The following PIP5K1B variants were observed in gnomAD, a reference collection of about 807,000 sequenced individuals.
PIP5K1B encodes the protein phosphatidylinositol-4-phosphate 5-kinase type 1 beta.
Under a neutral mutation model 67.0 loss-of-function variants are expected in PIP5K1B, and 42 were observed. The observed-to-expected ratio is 0.63, with a 90% CI of 0.49 to 0.81. The LOEUF (loss-of-function observed/expected upper bound fraction) is 0.81. PIP5K1B is among the 30% of genes least tolerant of loss of function. PIP5K1B has a pLI of 0.00. For missense variants in PIP5K1B, 459 were observed against 646.3 expected, an observed-to-expected ratio of 0.71 and a Z score of 3.14; for synonymous variants, 214 against 231.4, an observed-to-expected ratio of 0.92 and a Z score of 0.68.
chr9:68,950,927 G>A (rs1444321595), intron 14 of PIP5K1B, among the ~76,000 whole-genome samples: 2 of 152,118 alleles, frequency 1.3e-5, no homozygotes, highest in Admixed American at 1.3e-4. Flanking sequence ...CTGCTGCTGA[G>A]GACTCATTCA....
At chr9:68,724,168 A>C (rs1828038134) in intron 1 of PIP5K1B, among the ~76,000 whole-genome samples, 1 of 151,276 alleles carries the variant, frequency 6.6e-6, no homozygotes, top group Admixed American at 6.6e-5. Flanking sequence ...TTTGTTGAAA[A>C]TGGGTTGGCT....
chr9:68,724,585 T>C (rs1439649965), intron 1 of PIP5K1B, among the ~76,000 whole-genome samples: 1 of 152,178 alleles, frequency 6.6e-6, no homozygotes, highest in Non-Finnish European at 1.5e-5. Flanking sequence ...TTTTCATTTT[T>C]TGTGTCCTCT....
intron 2 of PIP5K1B, chr9:68,780,211 CGGGCGGGAGCCCGGCGGA>C (rs755694997): frequency 1.0e-5 from 16 of 1,536,892 alleles, no homozygotes; most frequent in Admixed American, 2.2e-5. Flanking sequence ...CCTCCGGGTA[CGGGCGGGAGCCCGGCGGA>C]GGGCGGTGGC....
In PIP5K1B at chr9:68,961,870, C is replaced by T. The variant is rs73647049; in HGVS notation, c.1502+21080C>T. On this transcript the variant is annotated intron_variant, in intron 14 of 15. Transcript: ENST00000265382. ...AAATAGGGTTGAGAAAAGGCAGTTG[C>T]ATGTTGGTAGAAGTTTTGGGAGATG... is the stretch of plus-strand genomic sequence containing the variant. 6.5e-3 allele frequency among the ~76,000 whole-genome samples: 991 copies of T among 152,276 alleles called. 12 individuals carry two copies. The highest frequency in any genetic ancestry group is 0.022 in the African/African-American group (932 of 41,556).
At chr9:68,745,456 A>C (rs977841105) in intron 2 of PIP5K1B, among the ~76,000 whole-genome samples, 1 of 152,236 alleles carries the variant, frequency 6.6e-6, no homozygotes, top group Non-Finnish European at 1.5e-5. Context: ...TATCTCATCC[A>C]TCTTAGCGGC....
chr9:68,978,368 G>A (rs1829729626), intron 14 of PIP5K1B, among the ~76,000 whole-genome samples: 1 of 152,200 alleles, frequency 6.6e-6, no homozygotes, highest in Non-Finnish European at 1.5e-5. Context: ...TTCATGCAGT[G>A]TTTGGCTTTT....
At chr9:68,891,458 A>ATT (rs1564209895) in intron 7 of PIP5K1B, among the ~76,000 whole-genome samples, 4 of 151,616 alleles carry the variant, frequency 2.6e-5, no homozygotes, top group East Asian at 3.9e-4. Context: ...TTTTTTTTAA[A>ATT]AAATGATAAA....
At chr9:68,829,906 T>G (rs1179065309) in intron 4 of PIP5K1B, among the ~76,000 whole-genome samples, 1 of 152,112 alleles carries the variant, frequency 6.6e-6, no homozygotes, top group Non-Finnish European at 1.5e-5. Context: ...CCAGATTAGT[T>G]CTATGGGGAC....
chr9:68,931,381 G>A (rs1348467985), intron 12 of PIP5K1B, among the ~76,000 whole-genome samples: 1 of 152,154 alleles, frequency 6.6e-6, no homozygotes, highest in Non-Finnish European at 1.5e-5. Flanking sequence ...ACTACACTAA[G>A]CACTGATGAT....
intron 14 of PIP5K1B, among the ~76,000 whole-genome samples, chr9:68,953,805 TA>T (rs71353095): frequency 0.58 from 61,706 of 105,620 alleles, 18,836 homozygotes; most frequent in Non-Finnish European, 0.69. Context: ...GACTCTGTCT[TA>T]AAAAAAAAAA....
At chr9:68,795,991 G>C (rs12000088) in intron 2 of PIP5K1B, among the ~76,000 whole-genome samples, 36,836 of 152,110 alleles carry the variant, frequency 0.24, 5,075 homozygotes, top group Non-Finnish European at 0.32. Flanking sequence ...GAGAAGCGAT[G>C]CAGGTTCATT....
intron 14 of PIP5K1B, among the ~76,000 whole-genome samples, chr9:68,968,667 G>T (rs1193192560): frequency 6.6e-6 from 1 of 150,866 alleles, no homozygotes; most frequent in Non-Finnish European, 1.5e-5. Context: ...GAAAATACTT[G>T]TAGGGTGGAC....
intron 12 of PIP5K1B, among the ~76,000 whole-genome samples, chr9:68,929,299 G>A (rs1343246789): frequency 1.3e-5 from 2 of 151,924 alleles, no homozygotes; most frequent in African/African-American, 4.8e-5. Flanking sequence ...TACTGGGTCC[G>A]ATCTTCTCCT....
chr9:68,749,743 T>C (rs145766150), intron 2 of PIP5K1B, among the ~76,000 whole-genome samples: 12 of 152,290 alleles, frequency 7.9e-5, no homozygotes, highest in Admixed American at 7.2e-4. Context: ...TTCTTTGTTG[T>C]GGGGCGGTCC....
chr9:68,872,917 T>C (rs1310087651), intron 5 of PIP5K1B, among the ~76,000 whole-genome samples: 1 of 152,252 alleles, frequency 6.6e-6, no homozygotes, highest in Non-Finnish European at 1.5e-5. Flanking sequence ...CAGGTTACCA[T>C]AATGAGTAAC....
intron 8 of PIP5K1B, among the ~76,000 whole-genome samples, chr9:68,906,779 C>G (rs1376851994): frequency 6.6e-6 from 1 of 152,198 alleles, no homozygotes; most frequent in African/African-American, 2.4e-5. Context: ...AAGGACAAAC[C>G]ATTATCACGA....
At chr9:68,997,181 A>C (rs935245399) in intron 15 of PIP5K1B, among the ~76,000 whole-genome samples, 1 of 152,236 alleles carries the variant, frequency 6.6e-6, no homozygotes, top group South Asian at 2.1e-4. Flanking sequence ...ACAGCTTATC[A>C]TACTATTATG....
chr9:68,998,022 A>G (rs1223856285), intron 15 of PIP5K1B, among the ~76,000 whole-genome samples: 4 of 149,336 alleles, frequency 2.7e-5, no homozygotes, highest in African/African-American at 9.9e-5. Flanking sequence ...CTTGGCTTGC[A>G]GGCTAGCTTG....
intron 2 of PIP5K1B, chr9:68,780,500 G>C: frequency 6.2e-7 from 1 of 1,614,236 alleles, no homozygotes; most frequent in South Asian, 1.1e-5. Flanking sequence ...CCGCAATGCA[G>C]ATAAGCCACT....
Sources: allele counts gnomAD v4.1 joint callset (sites outside exome capture counted in the v4.1 genomes callset), GRCh38; gene constraint gnomAD v4.1.1; transcripts MANE v1.5; gene names NCBI Gene and HGNC (gene_info 2026-07-23, HGNC 2026-07-21).